LRP2: variants seen among roughly 807,000 people sequenced by gnomAD.
LRP2 encodes LDL receptor related protein 2.
In LRP2, 172 loss-of-function variants were observed where a neutral mutation model predicts 531.0. The ratio of observed to expected loss-of-function variants is 0.32; its 90% confidence interval spans 0.29 to 0.37. The LOEUF is 0.37. Ranked by LOEUF, LRP2 falls within the 10% of genes least tolerant of loss-of-function variation. The pLI is 1.00. For missense variants in LRP2, 5,167 were observed against 5,868.3 expected (o/e 0.88, Z 3.90); for synonymous variants, 1,992 against 2,027.6 (o/e 0.98, Z 0.47).
Position 169,286,012 on chromosome 2 carries a change from G to C in LRP2, c.1043-3011C>G, listed in dbSNP as rs576994181. 2.0e-5 allele frequency among the ~76,000 whole-genome samples: 3 copies of C among 152,334 alleles called. No homozygotes were observed. In the South Asian group the frequency reaches 6.2e-4, roughly 32 times the overall value. ...GAGTATTTGTTGAAATGAAATGCTTGAGAGAGCAAACCAAAGCAACAATTC... is the reference window on the plus strand; with the variant it reads ...GAGTATTTGTTGAAATGAAATGCTTCAGAGAGCAAACCAAAGCAACAATTC... On this transcript the variant is annotated intron_variant, in intron 9 of 78. Coordinates refer to ENST00000649046, the MANE Select transcript of LRP2 (RefSeq NM_004525.3).
intron 63 of LRP2, 152 bp downstream of exon 63, chr2:169,162,320 C>T (rs776261975): frequency 2.9e-4 from 237 of 819,770 alleles, no homozygotes; most frequent in Middle Eastern, 9.0e-4. Flanking sequence ...AGGATAAGCA[C>T]TCAGTCACAG....
intron 69 of LRP2, among the ~76,000 whole-genome samples, chr2:169,146,275 T>G (rs1306545883): frequency 6.6e-6 from 1 of 152,162 alleles, no homozygotes; most frequent in Non-Finnish European, 1.5e-5. Flanking sequence ...TCTGACCAAA[T>G]AGGAAAAATG....
intron 16 of LRP2, among the ~76,000 whole-genome samples, chr2:169,268,621 T>G (rs984069266): frequency 6.6e-6 from 1 of 152,100 alleles, no homozygotes; most frequent in Non-Finnish European, 1.5e-5. Flanking sequence ...TAAGAGCTAT[T>G]TATGACAAAC....
At chr2:169,179,059 G>A (rs1478424118) in intron 52 of LRP2, among the ~76,000 whole-genome samples, 5 of 151,710 alleles carry the variant, frequency 3.3e-5, no homozygotes, top group Admixed American at 2.6e-4. Flanking sequence ...GCCCAAGCTG[G>A]AGTACAGTTG....
At position 169,226,354 on chromosome 2, in the gene LRP2, A is replaced by C. The variant is rs192025307; in HGVS notation, c.5394+68T>G. On this transcript the variant is annotated intron_variant, in intron 32 of 78. Coordinates refer to ENST00000649046, the MANE Select transcript of LRP2 (RefSeq NM_004525.3). ...CTCACATGACAAAAGTTTGCTTATAAGAAAACATCAGTGCAGGCAGGCTCT... is the reference window on the plus strand; with the variant it reads ...CTCACATGACAAAAGTTTGCTTATACGAAAACATCAGTGCAGGCAGGCTCT... 342 of 1,300,704 alleles carry C rather than the reference A, an allele frequency of 2.6e-4. No individual in the cohort carries two copies. The East Asian group carries it at 5.8e-3, about 22-fold the overall frequency. 80.6% of individuals were successfully genotyped at this position (1,300,704 alleles called of 1,614,324 possible).
chr2:169,220,362 T>C, intron 34 of LRP2, 92 bp downstream of exon 34: 1 of 891,188 alleles, frequency 1.1e-6, no homozygotes, highest in South Asian at 1.3e-5. Flanking sequence ...AATCAGAAGA[T>C]GTCCTAAATT....
intron 77 of LRP2, among the ~76,000 whole-genome samples, chr2:169,130,924 C>G (rs1195021978): frequency 6.6e-6 from 1 of 152,218 alleles, no homozygotes; most frequent in East Asian, 1.9e-4. Flanking sequence ...TTTCTGATAA[C>G]AGACATGCAG....
chr2:169,203,083 T>C, intron 42 of LRP2, 124 bp from the exon 43 acceptor site: 1 of 781,260 alleles, frequency 1.3e-6, no homozygotes. Context: ...CCATGGAAGT[T>C]CTGCCCATTA....
chr2:169,174,061 A>C lies in LRP2; in HGVS notation c.10872T>G (p.Asp3624Glu). ...TGCTGGCACAGTGGGAACTGTCTTC[A>C]TCTGAGTTATCCTCACAGTCGTTAA... ...DTFNDCEDNS[D>E]EDSSHCASRT... Residue 3624 changes from aspartate (D) to glutamate (E), a missense_variant, in exon 56 of 79, where the codon GAT (aspartate) becomes GAG (glutamate). By Grantham distance (45) the Asp-to-Glu change is conservative. Around this residue, in one of 6 missense-constraint regions of LRP2, gnomAD observed 311 missense variants for 309.4 expected, o/e 1.01. Transcript: ENST00000649046. The C allele has an allele frequency of 6.2e-7, 1 of 1,614,180 alleles. No homozygotes were observed. The highest frequency in any genetic ancestry group is 2.2e-5 in the East Asian group (1 of 44,866).
chr2:169,148,343 T>C (rs527730772), intron 68 of LRP2, among the ~76,000 whole-genome samples: 1 of 122,096 alleles, frequency 8.2e-6, no homozygotes, highest in East Asian at 2.0e-4. Context: ...GGTTTCTTTG[T>C]AGGGTGATGA....
At chr2:169,235,086 T>C (rs1689554762) in intron 29 of LRP2, among the ~76,000 whole-genome samples, 1 of 151,748 alleles carries the variant, frequency 6.6e-6, no homozygotes, top group African/African-American at 2.4e-5. Flanking sequence ...AATTTTTGTA[T>C]TTTTTTGTAG....
Position 169,206,523 on chromosome 2 carries a change from T to G in LRP2, c.7197A>C (p.Arg2399Ser). 1.2e-6 allele frequency: 2 copies of G among 1,614,218 alleles called. No homozygotes were observed. Among genetic ancestry groups the G allele is most frequent in the East Asian group, 4.5e-5 (2 of 44,886 alleles). Residue 2399 changes from arginine to serine, a missense_variant, in exon 39 of 79, where the codon AGA (arginine) becomes AGC (serine). Transcript: ENST00000649046. ...GGTTTTCAGGGTCCAAGTGTAAGCT[T>G]CTCAAGGAATTAGACAAGGCAAAGA... ...FLIFALSNSL[R>S]SLHLDPENHS...
chr2:169,220,161 T>C lies in LRP2; in HGVS notation c.5648+293A>G, dbSNP rs114289520. 9.5e-3 allele frequency among the ~76,000 whole-genome samples: 1,446 copies of C among 152,298 alleles called. 27 individuals are homozygous for C. Among genetic ancestry groups the C allele is most frequent in the African/African-American group, 0.033 (1,386 of 41,554 alleles). ...TCCGTGTCCTTTCAAAGTCAGAATA[T>C]ATTGTCAATTCTTATAATGCTATTT... On this transcript the variant is annotated intron_variant, in intron 34 of 78. Transcript: ENST00000649046.
chr2:169,295,480 G>A (rs1476357072), intron 4 of LRP2, among the ~76,000 whole-genome samples: 1 of 152,210 alleles, frequency 6.6e-6, no homozygotes, highest in Non-Finnish European at 1.5e-5. Flanking sequence ...GTCCCTTACA[G>A]GAATAACGTG....
At chr2:169,348,728 G>A (rs1685762574) in intron 1 of LRP2, among the ~76,000 whole-genome samples, 1 of 152,180 alleles carries the variant, frequency 6.6e-6, no homozygotes, top group Non-Finnish European at 1.5e-5. Context: ...GGGTAACCAA[G>A]TATCTGGGAT....
rs753134418 is a variant in LRP2, at chr2:169,185,809, G to A, written c.9539C>T (p.Pro3180Leu). 39 of 1,613,610 alleles carry A rather than the reference G, an allele frequency of 2.4e-5. No homozygotes were observed. The highest frequency in any genetic ancestry group is 3.1e-5 in the Non-Finnish European group (36 of 1,179,906). ...TCCATCTGGTTCTCGGAGGTAGCCT[G>A]GGGCACACTTACAGATGTAGGAGCC... ...VIGSYICKCA[P>L]GYLREPDGKT... Residue 3180 changes from proline (P) to leucine (L), a missense_variant, in exon 50 of 79, where the codon CCA becomes CTA. Coordinates refer to ENST00000649046, the MANE Select transcript of LRP2 (RefSeq NM_004525.3).
At chr2:169,340,640 G>A (rs1017562552) in intron 1 of LRP2, among the ~76,000 whole-genome samples, 8 of 152,114 alleles carry the variant, frequency 5.3e-5, no homozygotes, top group Non-Finnish European at 8.8e-5. Context: ...TGGACAATGA[G>A]GTGACTTCAG....
chr2:169,336,564 A>G, intron 1 of LRP2, among the ~76,000 whole-genome samples: 1 of 150,234 alleles, frequency 6.7e-6, no homozygotes, highest in South Asian at 2.1e-4. Flanking sequence ...ACACACACAC[A>G]CGCACAGAGG....
At chr2:169,239,799 G>A in intron 25 of LRP2, 24 bp from the exon 26 acceptor site, 1 of 1,594,524 alleles carries the variant, frequency 6.3e-7, no homozygotes, top group Non-Finnish European at 8.6e-7. Flanking sequence ...AGAGAATAAT[G>A]AAAAAAGAAA....
Sources: gnomAD v4.1 joint callset for allele counts (sites outside exome capture counted in the v4.1 genomes callset) on GRCh38, gnomAD v4.1.1 for gene constraint, gnomAD v4.1.1 regional missense constraint, MANE v1.5 for transcripts, NCBI Gene and HGNC (gene_info 2026-07-23, HGNC 2026-07-21) for gene names.